Variants in DCUN1D2 observed in about 807,000 individuals in gnomAD.
DCUN1D2 encodes the protein defective in cullin neddylation 1 domain containing 2.
DCUN1D2 carries 29 observed loss-of-function variants against 30.9 expected under a neutral mutation model. That is an observed-to-expected ratio of 0.94 (90% CI 0.70 to 1.28). The LOEUF (loss-of-function observed/expected upper bound fraction) is 1.28. Ranked by LOEUF, DCUN1D2 falls within the 50% of genes most tolerant of loss-of-function variation. The pLI, the probability that DCUN1D2 is intolerant of heterozygous loss-of-function variation, is 0.00. For synonymous variants in DCUN1D2, 121 were observed against 115.3 expected, an observed-to-expected ratio of 1.05 and a Z score of -0.32; for missense variants, 325 against 316.9, an observed-to-expected ratio of 1.03 and a Z score of -0.19.
At chr13:113,475,694 C>A (rs939614961) in intron 3 of DCUN1D2, among the ~76,000 whole-genome samples, 50 of 152,242 alleles carry the variant, frequency 3.3e-4, no homozygotes, top group African/African-American at 1.2e-3. Context: ...TGAGACCAGT[C>A]TGGGCAACAT....
intron 3 of DCUN1D2, among the ~76,000 whole-genome samples, chr13:113,478,633 G>A (rs748810890): frequency 2.0e-5 from 3 of 151,900 alleles, no homozygotes; most frequent in Non-Finnish European, 2.9e-5. Flanking sequence ...AATTCTACAA[G>A]CTTACATATA....
At chr13:113,464,086 TA>T (rs1252638999) in intron 4 of DCUN1D2, among the ~76,000 whole-genome samples, 1 of 152,244 alleles carries the variant, frequency 6.6e-6, no homozygotes, top group Admixed American at 6.5e-5. Context: ...AAAAATAGTG[TA>T]TAATCTATTT....
chr13:113,490,919 C>G (rs986626804), upstream of DCUN1D2: 1 of 230,132 alleles, frequency 4.3e-6, no homozygotes, highest in East Asian at 1.0e-4. This position sits in a 1 kb window ranked among gnomAD's most constrained non-coding sequence, Gnocchi z 5.2. Context: ...CGCCAGCCTG[C>G]GGCTGCCAGG....
intron 2 of DCUN1D2, among the ~76,000 whole-genome samples, chr13:113,482,499 T>G (rs906561637): frequency 6.6e-6 from 1 of 152,230 alleles, no homozygotes; most frequent in African/African-American, 2.4e-5. Context: ...CTTTGGGAAC[T>G]ACAATAAGTA....
At position 113,472,997 on chromosome 13, in the gene DCUN1D2, G is replaced by C. The variant is rs541544234; in HGVS notation, c.520+1127C>G. 2.4e-5 allele frequency among the ~76,000 whole-genome samples: 3 copies of C among 126,572 alleles called. No individual in the cohort carries two copies. The East Asian group carries it at 6.9e-4, about 29-fold the overall frequency. The allele number at this position is 126,572 out of a possible 152,430, so 83.0% of individuals were successfully genotyped here. A position where few individuals can be genotyped will look rare whatever the true frequency, so the allele number is the denominator to read the frequency against. ...TGTCCTTCTGTCCCCCCGTGCCTCT[G>C]TCCCTCTGTCCCCCATCTCTCTATC... On this transcript the variant is annotated intron_variant, in intron 4 of 6. Coordinates refer to ENST00000478244, the MANE Select transcript of DCUN1D2 (RefSeq NM_001014283.2).
At position 113,475,206 on chromosome 13, in the gene DCUN1D2, GA is replaced by G. The variant is rs1351881987; in HGVS notation, c.390-953del. Among the ~76,000 whole-genome samples, 6 of 152,310 alleles carry G rather than the reference GA, an allele frequency of 3.9e-5. No individual in the cohort carries two copies. In the East Asian group the frequency reaches 9.7e-4, roughly 25 times the overall value. Reference sequence around the variant, plus strand: ...CTGCGCGCAGTCACGGTCAACAGCAGAAGGCGTATGTCACAGTGGTCCCATA... The same window carrying G: ...CTGCGCGCAGTCACGGTCAACAGCAGAGGCGTATGTCACAGTGGTCCCATA... On this transcript the variant is annotated intron_variant, in intron 3 of 6. Transcript: ENST00000478244.
In DCUN1D2 at chr13:113,474,012, C is replaced by A. The variant is rs112887594; in HGVS notation, c.520+112G>T. 1,734 of 1,413,532 alleles carry A rather than the reference C, an allele frequency of 1.2e-3. 17 individuals are homozygous for A. The African/African-American group carries it at 0.022, about 18-fold the overall frequency. 87.6% of individuals were successfully genotyped at this position (1,413,532 alleles called of 1,614,324 possible). A position where few individuals can be genotyped will look rare whatever the true frequency, so the allele number is the denominator to read the frequency against. ...AGAGCAAGACCGTATCTCCAAAAAA[C>A]CAAACCAAAACCCAAAAACATTACA... is the stretch of plus-strand genomic sequence containing the variant. On this transcript the variant is annotated intron_variant, in intron 4 of 6. Transcript: ENST00000478244.
Position 113,490,144 on chromosome 13 carries a change from T to C in DCUN1D2, c.3+523A>G, listed in dbSNP as rs547075173. On this transcript the variant is annotated intron_variant, in intron 1 of 6. Transcript: ENST00000478244. This position sits in a 1 kb window ranked among gnomAD's most constrained non-coding sequence, Gnocchi z 5.2. ...CACAGATGCACACCTACAGCCACGC[T>C]ACAGCTCCCGGCTAGAGCCCGCGCT... 1.3e-5 allele frequency among the ~76,000 whole-genome samples: 2 copies of C among 152,332 alleles called. No homozygotes were observed. The highest frequency in any genetic ancestry group is 4.1e-4 in the South Asian group (2 of 4,832).
At chr13:113,459,224 G>A (rs917975624) in intron 6 of DCUN1D2, 88 bp downstream of exon 6, 25 of 748,046 alleles carry the variant, frequency 3.3e-5, no homozygotes, top group Non-Finnish European at 5.1e-5. Context: ...CCATCTCAGT[G>A]ACGGGGTCAC....
At chr13:113,482,517 G>A (rs1213823366) in intron 2 of DCUN1D2, among the ~76,000 whole-genome samples, 2 of 152,092 alleles carry the variant, frequency 1.3e-5, no homozygotes, top group Non-Finnish European at 2.9e-5. Flanking sequence ...GTACAAACCT[G>A]GTTTGTTTTA....
chr13:113,490,339 C>T lies in DCUN1D2; in HGVS notation c.3+328G>A. On this transcript the variant is annotated intron_variant, in intron 1 of 6. Transcript: ENST00000478244. This position sits in a 1 kb window ranked among gnomAD's most constrained non-coding sequence, Gnocchi z 5.2. ...CCCGCCTCGACTGCCCGTTTCGAAG[C>T]CGCCCTGGGAAGCCCCCGGCCTGGG... is the stretch of plus-strand genomic sequence containing the variant. The T allele has an allele frequency of 4.0e-6, 1 of 252,744 alleles. No individual in the cohort carries two copies. Among genetic ancestry groups the T allele is most frequent in the Non-Finnish European group, 7.5e-6 (1 of 133,394 alleles). The allele number at this position is 252,744 out of a possible 1,614,324, so 15.7% of individuals were successfully genotyped here. A position where few individuals can be genotyped will look rare whatever the true frequency, so the allele number is the denominator to read the frequency against.
In DCUN1D2 at chr13:113,461,078, T is replaced by G. The variant is rs775846408; in HGVS notation, c.579A>C (p.Leu193Phe). Residue 193 changes from leucine (L) to phenylalanine (F), a missense_variant, in exon 5 of 7, where the codon TTA becomes TTC. Coordinates refer to ENST00000478244, the MANE Select transcript of DCUN1D2 (RefSeq NM_001014283.2). Reference sequence around the variant, plus strand: ...CCATTAAGAATGTGTTCCAGAGATCTAAAAATTTAAACCTTCCAGATAACA... The same window carrying G: ...CCATTAAGAATGTGTTCCAGAGATCGAAAAATTTAAACCTTCCAGATAACA... ...KLVLSGRFKFLDLWNTFLMEH... is the reference protein window; with the variant it reads ...KLVLSGRFKFFDLWNTFLMEH... 6.2e-7 allele frequency: 1 copy of G among 1,610,400 alleles called. No homozygotes were observed. Among genetic ancestry groups the G allele is most frequent in the Non-Finnish European group, 8.5e-7 (1 of 1,177,450 alleles).
chr13:113,480,708 TCCC>T lies in DCUN1D2; in HGVS notation c.253_255del (p.Gly85del), dbSNP rs2044693141. ...CTCAGATCATCACAAAACTGTTGAATCCCATCGACTCCAATTTTGTTTTCATCT... is the reference window on the plus strand; with the variant it reads ...CTCAGATCATCACAAAACTGTTGAATATCGACTCCAATTTTGTTTTCATCT... On this transcript the variant is annotated inframe_deletion, in exon 3 of 7. Transcript: ENST00000478244. The T allele has an allele frequency of 7.4e-6, 12 of 1,613,944 alleles. No individual in the cohort carries two copies. The highest frequency in any genetic ancestry group is 1.0e-5 in the Non-Finnish European group (12 of 1,179,984).
At chr13:113,469,903 T>G (rs1384126701) in intron 4 of DCUN1D2, among the ~76,000 whole-genome samples, 1 of 151,906 alleles carries the variant, frequency 6.6e-6, no homozygotes, top group Non-Finnish European at 1.5e-5. Flanking sequence ...CTAAAGGACA[T>G]TAAGAAATGA....
intron 2 of DCUN1D2, among the ~76,000 whole-genome samples, chr13:113,481,599 G>A (rs1228302755): frequency 2.0e-5 from 3 of 152,178 alleles, no homozygotes; most frequent in Non-Finnish European, 2.9e-5. Context: ...AAGAAAAATT[G>A]GTGGCTGGGC....
Position 113,456,495 on chromosome 13 carries a change from C to T in DCUN1D2, c.*1534G>A. On this transcript the variant is annotated 3_prime_UTR_variant, in exon 7 of 7. Transcript: ENST00000478244. Reference sequence around the variant, plus strand: ...ACCGCAGCTAGGTCATCTGCGGCGACTCTCCTCTGTGCTGGGCAGCAGCTC... The same window carrying T: ...ACCGCAGCTAGGTCATCTGCGGCGATTCTCCTCTGTGCTGGGCAGCAGCTC... 1 of 398,076 alleles carries T rather than the reference C, an allele frequency of 2.5e-6. No homozygotes were observed. Among genetic ancestry groups the T allele is most frequent in the East Asian group, 3.6e-5 (1 of 28,060 alleles). 24.7% of individuals were successfully genotyped at this position (398,076 alleles called of 1,614,324 possible).
Position 113,480,660 on chromosome 13 carries a change from C to T in DCUN1D2, c.304G>A (p.Val102Ile), listed in dbSNP as rs1365200809. The change falls in exon 3 of 7, where the codon GTA becomes ATA. Residue 102 changes from valine to isoleucine, a missense_variant. Transcript: ENST00000478244. ...DLSLDPASIS[V>I]LVIAWKFRAA... is the part of the protein sequence containing the mutation. Reference sequence around the variant, plus strand: ...CTGAACTTCCACGCTATGACCAATACACTGATACTGGCAGGATCCAGGCTC... The same window carrying T: ...CTGAACTTCCACGCTATGACCAATATACTGATACTGGCAGGATCCAGGCTC... 6.2e-7 allele frequency: 1 copy of T among 1,614,166 alleles called. No homozygotes were observed. The highest frequency in any genetic ancestry group is 2.2e-5 in the East Asian group (1 of 44,874).
intron 4 of DCUN1D2, among the ~76,000 whole-genome samples, chr13:113,464,714 C>T (rs151263278): frequency 9.1e-4 from 139 of 152,352 alleles, no homozygotes; most frequent in African/African-American, 3.2e-3. Flanking sequence ...GAGGCCATGG[C>T]GGAGAGCAGC....
At position 113,459,417 on chromosome 13, in the gene DCUN1D2, TG is replaced by T; in HGVS notation, c.604-10del. On this transcript the variant is annotated splice_polypyrimidine_tract_variant and intron_variant, in intron 5 of 6. Transcript: ENST00000478244. Reference sequence around the variant, plus strand: ...GATCTTTTGTGATGTTCCTAATATATGAGAGAAAAAAAAAACCCACCAGGTT... The same window carrying T: ...GATCTTTTGTGATGTTCCTAATATATAGAGAAAAAAAAAACCCACCAGGTT... 2 of 1,399,996 alleles carry T rather than the reference TG, an allele frequency of 1.4e-6. No homozygotes were observed. Among genetic ancestry groups the T allele is most frequent in the Non-Finnish European group, 2.0e-6 (2 of 995,120 alleles). 86.7% of individuals were successfully genotyped at this position (1,399,996 alleles called of 1,614,324 possible). A position where few individuals can be genotyped will look rare whatever the true frequency, so the allele number is the denominator to read the frequency against.
Sources: allele counts gnomAD v4.1 joint callset (sites outside exome capture counted in the v4.1 genomes callset), GRCh38; gene constraint gnomAD v4.1.1; non-coding constraint Gnocchi (gnomAD v3.1); transcripts MANE v1.5; gene names NCBI Gene and HGNC (gene_info 2026-07-23, HGNC 2026-07-21).